The following HDAC8 variants were observed in gnomAD, a reference collection of about 807,000 sequenced individuals.
The protein encoded by HDAC8 is histone deacetylase 8, also known as histone deacetylase-like 1.
In HDAC8, 1 loss-of-function variant was observed where a neutral mutation model predicts 32.2. The observed-to-expected ratio is 0.03, with a 90% CI of 0.01 to 0.15. The LOEUF (loss-of-function observed/expected upper bound fraction) is 0.15. Ranked by LOEUF, HDAC8 falls within the 10% of genes least tolerant of loss-of-function variation. The pLI is 1.00. For synonymous variants in HDAC8, 108 were observed against 113.9 expected (o/e 0.95, Z 0.33); for missense variants, 117 against 300.0 (o/e 0.39, Z 4.51).
chrX:72,395,146 C>G, intron 9 of HDAC8, among the ~76,000 whole-genome samples: 1 of 112,458 alleles, frequency 8.9e-6, no homozygotes. Flanking sequence ...TAAACAAGGT[C>G]AGAAGATTTG....
intron 10 of HDAC8, among the ~76,000 whole-genome samples, chrX:72,338,538 A>G (rs1923745671): frequency 9.3e-6 from 1 of 107,532 alleles, no homozygotes; most frequent in African/African-American, 3.4e-5. Context: ...CAGAGAAGTG[A>G]ATTTAGGACT....
chrX:72,490,797 C>CAA, intron 6 of HDAC8, 132 bp downstream of exon 6: 15 of 378,362 alleles, frequency 4.0e-5, no homozygotes, highest in South Asian at 9.9e-5. Context: ...AATGAAAATG[C>CAA]AAAAAAAAAA....
chrX:72,403,073 T>C (rs952236852), intron 9 of HDAC8, among the ~76,000 whole-genome samples: 2 of 112,013 alleles, frequency 1.8e-5, no homozygotes, highest in Non-Finnish European at 3.8e-5. Context: ...AGCAGATTGT[T>C]GGATCTTGCT....
At chrX:72,337,593 A>G (rs1220009305) in intron 10 of HDAC8, among the ~76,000 whole-genome samples, 2 of 110,829 alleles carry the variant, frequency 1.8e-5, no homozygotes, top group Non-Finnish European at 3.8e-5. Context: ...TGTACCCCAA[A>G]CTATTCTTAC....
chrX:72,572,073 G>A lies in HDAC8; in HGVS notation c.148C>T (p.Leu50=), dbSNP rs782427986. The part of the protein sequence containing the change: ...MVHSLIEAYA[L]HKQMRIVKPK... The stretch of plus-strand genomic sequence containing the variant: ...ACAACTTACCTCATCTGCTTATGCA[G>A]TGCATATGCTTCAATCAAAGAATGC... Residue 50 remains leucine (L), a synonymous_variant, in exon 2 of 11, where the codon CTG becomes TTG. Transcript: ENST00000373573. 3 of 1,194,059 alleles carry A rather than the reference G, an allele frequency of 2.5e-6. No homozygotes were observed. Among genetic ancestry groups the A allele is most frequent in the Non-Finnish European group, 3.4e-6 (3 of 887,067 alleles).
At chrX:72,548,927 G>A (rs2050964605) in intron 4 of HDAC8, among the ~76,000 whole-genome samples, 2 of 111,767 alleles carry the variant, frequency 1.8e-5, no homozygotes, top group African/African-American at 3.3e-5. Flanking sequence ...TACTGAAAGA[G>A]CCTTTTTAGA....
chrX:72,392,398 A>G (rs2045635590), intron 9 of HDAC8, among the ~76,000 whole-genome samples: 3 of 111,729 alleles, frequency 2.7e-5, no homozygotes, highest in African/African-American at 9.8e-5. Flanking sequence ...AGCCACCTGA[A>G]AGACTTCACA....
intron 4 of HDAC8, among the ~76,000 whole-genome samples, chrX:72,550,545 G>GCACA (rs200244321): frequency 9.4e-6 from 1 of 106,271 alleles, no homozygotes; most frequent in East Asian, 2.9e-4. Flanking sequence ...ATACATACAT[G>GCACA]CACACACACA....
chrX:72,551,079 G>GCACA (rs56118046), intron 4 of HDAC8, among the ~76,000 whole-genome samples: 1,833 of 96,390 alleles, frequency 0.019, 35 homozygotes, highest in African/African-American at 0.046. Flanking sequence ...TGAAGTCAGC[G>GCACA]CACACACACA....
In HDAC8 at chrX:72,388,696, C is replaced by T. The variant is rs185343219; in HGVS notation, c.1006-36858G>A. 7.2e-5 allele frequency among the ~76,000 whole-genome samples: 8 copies of T among 110,689 alleles called. No homozygotes were observed. In the East Asian group the frequency reaches 1.4e-3, roughly 20 times the overall value. On this transcript the variant is annotated intron_variant, in intron 9 of 10. Coordinates refer to ENST00000373573, the MANE Select transcript of HDAC8 (RefSeq NM_018486.3). Reference sequence around the variant, plus strand: ...AATTCACACGTTGAAGCCCTAACCCCTAATGTGGCTGCATTTGGAGCAAGG... The same window carrying T: ...AATTCACACGTTGAAGCCCTAACCCTTAATGTGGCTGCATTTGGAGCAAGG...
rs998814607 is a variant in HDAC8, at chrX:72,557,653, T to C, written c.437+10236A>G. Among the ~76,000 whole-genome samples the C allele has an allele frequency of 2.7e-5, 3 of 110,417 alleles. No homozygotes were observed. In the East Asian group the frequency reaches 8.5e-4, roughly 31 times the overall value. On this transcript the variant is annotated intron_variant, in intron 4 of 10. Coordinates refer to ENST00000373573, the MANE Select transcript of HDAC8 (RefSeq NM_018486.3). The stretch of plus-strand genomic sequence containing the variant: ...TCTGAAAGAGCACAAATAGACAATC[T>C]AAGGGCACACCTCATGAAACTGGAG...
intron 4 of HDAC8, among the ~76,000 whole-genome samples, chrX:72,556,354 C>T (rs986669183): frequency 9.9e-5 from 11 of 111,546 alleles, no homozygotes; most frequent in African/African-American, 3.6e-4. Context: ...TTTATAAAAA[C>T]CAAGATATTC....
intron 7 of HDAC8, chrX:72,473,865 A>G: frequency 1.3e-6 from 1 of 754,279 alleles, no homozygotes; most frequent in Non-Finnish European, 1.6e-6. Flanking sequence ...TATGGTACAA[A>G]TTTTCATAGC....
chrX:72,418,375 C>A (rs1168019014), intron 9 of HDAC8, among the ~76,000 whole-genome samples: 3 of 111,505 alleles, frequency 2.7e-5, no homozygotes, highest in East Asian at 2.8e-4. Flanking sequence ...TGGGCAGAGA[C>A]ATGAACAGAC....
intron 9 of HDAC8, among the ~76,000 whole-genome samples, chrX:72,383,869 C>CAAAA (rs782518910): frequency 1.7e-3 from 49 of 29,523 alleles, no homozygotes; most frequent in Non-Finnish European, 3.3e-3. Flanking sequence ...GATGCCATCT[C>CAAAA]AAAAAAAAAA....
intron 9 of HDAC8, among the ~76,000 whole-genome samples, chrX:72,383,368 T>C (rs1455614574): frequency 8.9e-6 from 1 of 112,341 alleles, no homozygotes; most frequent in Admixed American, 9.4e-5. Context: ...AAAGTTTCTA[T>C]ACCTGAGGTA....
At chrX:72,433,457 T>A (rs912886996) in intron 9 of HDAC8, among the ~76,000 whole-genome samples, 15 of 112,452 alleles carry the variant, frequency 1.3e-4, no homozygotes, top group African/African-American at 3.9e-4. Context: ...AGAGGATTTT[T>A]AAAACTGAAT....
Position 72,552,614 on chromosome X carries a change from CAAA to C in HDAC8, c.437+15272_437+15274del, listed in dbSNP as rs781889791. ...GGGCAACAAGAATGAAACTCCGTTTCAAAAAAAAAAAAAAATTTAGCTAGGTGT... is the reference window on the plus strand; with the variant it reads ...GGGCAACAAGAATGAAACTCCGTTTCAAAAAAAAAAAATTTAGCTAGGTGT... On this transcript the variant is annotated intron_variant, in intron 4 of 10. Coordinates refer to ENST00000373573, the MANE Select transcript of HDAC8 (RefSeq NM_018486.3). 3.5e-5 allele frequency among the ~76,000 whole-genome samples: 3 copies of C among 86,605 alleles called. No individual in the cohort carries two copies. The Admixed American group carries it at 3.9e-4, about 11-fold the overall frequency. 75.2% of individuals were successfully genotyped at this position (86,605 alleles called of 115,157 possible). A position where few individuals can be genotyped will look rare whatever the true frequency, so the allele number is the denominator to read the frequency against.
chrX:72,418,209 G>T (rs1488443126), intron 9 of HDAC8, among the ~76,000 whole-genome samples: 6 of 111,320 alleles, frequency 5.4e-5, no homozygotes, highest in South Asian at 3.7e-4. Flanking sequence ...AAATTGACAA[G>T]GTGGAACCTA....
Sources: allele counts gnomAD v4.1 joint callset (sites outside exome capture counted in the v4.1 genomes callset), GRCh38; gene constraint gnomAD v4.1.1; transcripts MANE v1.5; gene names NCBI Gene and HGNC (gene_info 2026-07-23, HGNC 2026-07-21).